Variants in PAM observed in about 807,000 individuals in gnomAD.
PAM encodes peptidylglycine alpha-amidating monooxygenase.
Under a neutral mutation model 122.1 loss-of-function variants are expected in PAM, and 72 were observed. The ratio of observed to expected loss-of-function variants is 0.59; its 90% CI spans 0.49 to 0.72. The LOEUF is 0.72. PAM is among the 30% of genes least tolerant of loss of function. The pLI is 0.00. For synonymous variants in PAM, 389 were observed against 404.4 expected (o/e 0.96, Z 0.46); for missense variants, 1,106 against 1,183.7 (o/e 0.93, Z 0.96).
intron 16 of PAM, 83 bp downstream of exon 16, chr5:102,990,484 A>AG: frequency 9.8e-7 from 1 of 1,023,454 alleles, no homozygotes; most frequent in Non-Finnish European, 1.4e-6. Flanking sequence ...AATAATGGTG[A>AG]GAGAACTATA....
intron 23 of PAM, among the ~76,000 whole-genome samples, chr5:103,022,345 T>C (rs1219430877): frequency 6.6e-6 from 1 of 152,102 alleles, no homozygotes; most frequent in Non-Finnish European, 1.5e-5. Flanking sequence ...TGTGATGAAC[T>C]GGGATACAAT....
chr5:102,855,212 G>A (rs1384003293), intron 1 of PAM, among the ~76,000 whole-genome samples: 1 of 152,120 alleles, frequency 6.6e-6, no homozygotes, highest in African/African-American at 2.4e-5. Flanking sequence ...TTATTCAAAT[G>A]AGAGAATGTT....
chr5:103,023,912 T>G (rs917393307), intron 23 of PAM, among the ~76,000 whole-genome samples: 2 of 152,230 alleles, frequency 1.3e-5, no homozygotes, highest in African/African-American at 4.8e-5. Context: ...GTATTATAAA[T>G]TATGTTGACA....
At chr5:102,901,858 G>A (rs1357413180) in intron 4 of PAM, among the ~76,000 whole-genome samples, 1 of 151,502 alleles carries the variant, frequency 6.6e-6, no homozygotes, top group Non-Finnish European at 1.5e-5. Flanking sequence ...GAGAGAGGGA[G>A]GAAGGGATGA....
chr5:102,845,206 A>T (rs1421935066), intron 1 of PAM, among the ~76,000 whole-genome samples: 2 of 152,218 alleles, frequency 1.3e-5, no homozygotes, highest in Non-Finnish European at 2.9e-5. Context: ...AGCGTTTCAG[A>T]TGTGGTTAGG....
intron 1 of PAM, among the ~76,000 whole-genome samples, chr5:102,805,064 CTTTTTTT>C (rs527963126): frequency 0.57 from 59,992 of 104,766 alleles, 14,861 homozygotes; most frequent in Middle Eastern, 0.73. Context: ...GGGAATTTTC[CTTTTTTT>C]TTTTTTTTTT....
chr5:102,764,713 G>T (rs1383664294), intron 1 of PAM, among the ~76,000 whole-genome samples: 1 of 152,158 alleles, frequency 6.6e-6, no homozygotes, highest in Non-Finnish European at 1.5e-5. Context: ...ATCCCAGGTT[G>T]CTCCGCCACT....
chr5:102,901,228 C>G, intron 3 of PAM, 128 bp from the exon 4 acceptor site: 1 of 589,442 alleles, frequency 1.7e-6, no homozygotes. Flanking sequence ...ACCTGCCACT[C>G]AGCCCTCAGA....
chr5:103,001,399 T>C (rs1777325559), intron 16 of PAM, among the ~76,000 whole-genome samples: 1 of 152,114 alleles, frequency 6.6e-6, no homozygotes, highest in Admixed American at 6.6e-5. Flanking sequence ...TTTCAGTTGA[T>C]AATGACCCCA....
At chr5:102,860,347 G>T (rs1783830176) in intron 1 of PAM, among the ~76,000 whole-genome samples, 1 of 152,182 alleles carries the variant, frequency 6.6e-6, no homozygotes, top group Admixed American at 6.5e-5. Context: ...AAAGAGGAAG[G>T]TCTTGTGCAG....
intron 1 of PAM, among the ~76,000 whole-genome samples, chr5:102,835,202 T>C (rs767804123): frequency 4.6e-5 from 7 of 152,172 alleles, no homozygotes; most frequent in Admixed American, 6.5e-5. Context: ...ATAGCCTACA[T>C]TGAATGAGTA....
intron 1 of PAM, among the ~76,000 whole-genome samples, chr5:102,845,790 G>A (rs1056268697): frequency 3.9e-5 from 6 of 152,144 alleles, no homozygotes; most frequent in Non-Finnish European, 8.8e-5. Flanking sequence ...CAGGTTTTCT[G>A]AAGTAACTAA....
chr5:102,987,606 G>T (rs1772334545), intron 15 of PAM: 1 of 443,066 alleles, frequency 2.3e-6, no homozygotes, highest in African/African-American at 2.0e-5. Context: ...ATTTGATCAT[G>T]CTTGTATCAA....
At chr5:102,828,667 G>T (rs1347774665) in intron 1 of PAM, among the ~76,000 whole-genome samples, 1 of 152,154 alleles carries the variant, frequency 6.6e-6, no homozygotes, top group Non-Finnish European at 1.5e-5. Context: ...GCATATAGAA[G>T]GTGCCCAATA....
chr5:102,844,057 C>T (rs1412442959), intron 1 of PAM, among the ~76,000 whole-genome samples: 4 of 152,050 alleles, frequency 2.6e-5, no homozygotes, highest in Non-Finnish European at 5.9e-5. Flanking sequence ...TGGAAACAAC[C>T]AAAATGTCCT....
intron 3 of PAM, among the ~76,000 whole-genome samples, chr5:102,880,978 T>C (rs1204089018): frequency 6.6e-6 from 1 of 152,116 alleles, no homozygotes; most frequent in Non-Finnish European, 1.5e-5. Flanking sequence ...GACACTGTTA[T>C]GTGCAACTGT....
chr5:102,964,336 T>C (rs750837286), intron 14 of PAM, among the ~76,000 whole-genome samples: 6 of 152,004 alleles, frequency 3.9e-5, no homozygotes, highest in Non-Finnish European at 7.4e-5. Context: ...CAGTCTGTGC[T>C]TTCTCACAAA....
chr5:102,790,473 A>AGC (rs772084359), intron 1 of PAM, among the ~76,000 whole-genome samples: 2 of 152,040 alleles, frequency 1.3e-5, no homozygotes, highest in Non-Finnish European at 2.9e-5. Context: ...GCTTTCAATA[A>AGC]GCCTGTGGTT....
At chr5:102,854,785 T>C (rs1782194101) in intron 1 of PAM, among the ~76,000 whole-genome samples, 1 of 152,232 alleles carries the variant, frequency 6.6e-6, no homozygotes, top group Non-Finnish European at 1.5e-5. Flanking sequence ...ACCACCTGTT[T>C]GTGCATCAGC....
Sources: allele counts gnomAD v4.1 joint callset (sites outside exome capture counted in the v4.1 genomes callset), GRCh38; gene constraint gnomAD v4.1.1; transcripts MANE v1.5; gene names NCBI Gene and HGNC (gene_info 2026-07-23, HGNC 2026-07-21).